The following ZNF682 variants were observed in gnomAD, a reference collection of about 807,000 sequenced individuals.
ZNF682 encodes the protein zinc finger protein 682.
A neutral mutation model predicts 36.5 loss-of-function variants in ZNF682; 29 were observed. The observed-to-expected ratio is 0.80, with a 90% CI of 0.59 to 1.08. ZNF682 has a LOEUF of 1.08. Among genes scored for constraint, ZNF682 ranks in the 50% least tolerant of loss-of-function variants. The pLI is 0.00. For missense variants in ZNF682, 561 were observed against 579.7 expected (o/e 0.97, Z 0.33); for synonymous variants, 180 against 197.0 (o/e 0.91, Z 0.72).
At chr19:20,016,510 T>C (rs1023063357) in intron 3 of ZNF682, among the ~76,000 whole-genome samples, 1 of 151,994 alleles carries the variant, frequency 6.6e-6, no homozygotes, top group African/African-American at 2.4e-5. Flanking sequence ...ATTAAAAGTA[T>C]TTTTTAAAAA....
intron 1 of ZNF682, among the ~76,000 whole-genome samples, chr19:20,028,425 T>A (rs150617279): frequency 0.054 from 8,191 of 152,218 alleles, 332 homozygotes; most frequent in Non-Finnish European, 0.082. Flanking sequence ...TTGGCTAGGC[T>A]GGTCTTGAAC....
At chr19:20,013,485 T>C (rs59750406) in intron 3 of ZNF682, among the ~76,000 whole-genome samples, 11,996 of 152,188 alleles carry the variant, frequency 0.079, 722 homozygotes, top group East Asian at 0.2. Context: ...TTACACCTAA[T>C]GGACATATAG....
intron 3 of ZNF682, among the ~76,000 whole-genome samples, chr19:20,017,239 T>C (rs2088342067): frequency 6.6e-6 from 1 of 152,164 alleles, no homozygotes; most frequent in South Asian, 2.1e-4. Flanking sequence ...ATTTTAAATA[T>C]GAACAGATTG....
intron 3 of ZNF682, among the ~76,000 whole-genome samples, chr19:20,019,076 C>A (rs1599609644): frequency 6.6e-6 from 1 of 152,062 alleles, no homozygotes; most frequent in South Asian, 2.1e-4. Flanking sequence ...GATTAAGAAA[C>A]AGACAAATAA....
At chr19:20,036,016 G>A (rs558534927) in intron 1 of ZNF682, among the ~76,000 whole-genome samples, 3 of 152,292 alleles carry the variant, frequency 2.0e-5, no homozygotes, top group Admixed American at 2.0e-4. Context: ...GATTACAGGT[G>A]TGAACCACTG....
At chr19:20,007,933 G>A (rs1481382128) in intron 3 of ZNF682, 3 of 152,520 alleles carry the variant, frequency 2.0e-5, no homozygotes, top group Non-Finnish European at 4.4e-5. Flanking sequence ...TGGGACTGAG[G>A]TGAATCTGAT....
chr19:20,028,286 CA>C, intron 1 of ZNF682, among the ~76,000 whole-genome samples: 1 of 152,224 alleles, frequency 6.6e-6, no homozygotes, highest in South Asian at 2.1e-4. Context: ...CGGCTCACTG[CA>C]ATCTTTGCCT....
intron 1 of ZNF682, among the ~76,000 whole-genome samples, chr19:20,027,760 A>C (rs572578208): frequency 8.8e-4 from 119 of 135,858 alleles, no homozygotes; most frequent in Non-Finnish European, 1.6e-3. Context: ...ACTCCATCTA[A>C]AAAAACAAAA....
intron 3 of ZNF682, among the ~76,000 whole-genome samples, chr19:20,022,456 T>A (rs192868919): frequency 6.6e-6 from 1 of 151,908 alleles, no homozygotes; most frequent in African/African-American, 2.4e-5. Context: ...TCACCTGAGG[T>A]CGTGGGTTCA....
At chr19:20,033,322 T>G (rs1304931404) in intron 1 of ZNF682, 1 of 152,128 alleles carries the variant, frequency 6.6e-6, no homozygotes, top group Non-Finnish European at 1.5e-5. Flanking sequence ...TCTTGGCTAT[T>G]TATATATTAA....
intron 3 of ZNF682, among the ~76,000 whole-genome samples, chr19:20,008,537 G>A (rs1375678147): frequency 6.6e-6 from 1 of 152,146 alleles, no homozygotes; most frequent in Non-Finnish European, 1.5e-5. Flanking sequence ...CTCGAGCCAT[G>A]GCATCACCAA....
intron 1 of ZNF682, among the ~76,000 whole-genome samples, chr19:20,026,504 C>T (rs370497531): frequency 4.6e-5 from 7 of 152,086 alleles, no homozygotes; most frequent in African/African-American, 9.7e-5. Flanking sequence ...CTCACTCTAT[C>T]GCCCAGGCTG....
intron 2 of ZNF682, 108 bp from the exon 3 acceptor site, chr19:20,023,207 TTAA>T (rs759067862): frequency 2.2e-4 from 231 of 1,046,856 alleles, no homozygotes; most frequent in Non-Finnish European, 3.0e-4. Flanking sequence ...TTCTAGAAAA[TTAA>T]TAATAAGGAC....
At chr19:19,998,335 A>C (rs1249637266) in intron 3 of ZNF682, among the ~76,000 whole-genome samples, 2 of 152,214 alleles carry the variant, frequency 1.3e-5, no homozygotes, top group Non-Finnish European at 2.9e-5. Context: ...ATGTGTCAGA[A>C]GAAGCCACCC....
At position 20,013,031 on chromosome 19, in the gene ZNF682, T is replaced by C. The variant is rs897728950; in HGVS notation, c.227-5756A>G. Among the ~76,000 whole-genome samples the C allele has an allele frequency of 2.6e-5, 4 of 152,000 alleles. No individual in the cohort carries two copies. The South Asian group carries it at 8.3e-4, about 31-fold the overall frequency. On this transcript the variant is annotated intron_variant, in intron 3 of 3. Transcript: ENST00000397165. Reference sequence around the variant, plus strand: ...TTCCCAATCGAAAGACATAAACTGGTGTAAAAACAAGATTCAACTACATTC... The same window carrying C: ...TTCCCAATCGAAAGACATAAACTGGCGTAAAAACAAGATTCAACTACATTC...
At position 20,007,155 on chromosome 19, in the gene ZNF682, T is replaced by A; in HGVS notation, c.347A>T (p.Asp116Val). 6.2e-7 allele frequency: 1 copy of A among 1,613,684 alleles called. No homozygotes were observed. The change falls in exon 4 of 4, where the codon GAT becomes GTT. Residue 116 changes from aspartate (D) to valine (V), a missense_variant. Coordinates refer to ENST00000397165, the MANE Select transcript of ZNF682 (RefSeq NM_033196.3). The stretch of plus-strand genomic sequence containing the variant: ...CTTACACTCACCCACATTTTCCCCA[T>A]CCTTCCTTAAGTGTAAATCCTCAAG... ...CGLEDLHLRK[D>V]GENVGECKDQ...
At chr19:20,024,969 G>T (rs2088419092) in intron 1 of ZNF682, among the ~76,000 whole-genome samples, 1 of 152,224 alleles carries the variant, frequency 6.6e-6, no homozygotes, top group African/African-American at 2.4e-5. Context: ...TTCATACAGA[G>T]AAGTCATGAT....
At chr19:20,011,265 G>A (rs1169849291) in intron 3 of ZNF682, among the ~76,000 whole-genome samples, 1 of 151,986 alleles carries the variant, frequency 6.6e-6, no homozygotes, top group South Asian at 2.1e-4. Flanking sequence ...ATAAATCAAC[G>A]ATATTTAACT....
At chr19:20,018,654 T>C (rs953615907) in intron 3 of ZNF682, among the ~76,000 whole-genome samples, 1 of 152,194 alleles carries the variant, frequency 6.6e-6, no homozygotes, top group African/African-American at 2.4e-5. Context: ...ACAAATGATG[T>C]TGAAAACTGA....
Sources: gnomAD v4.1 joint callset for allele counts (sites outside exome capture counted in the v4.1 genomes callset) on GRCh38, gnomAD v4.1.1 for gene constraint, MANE v1.5 for transcripts, NCBI Gene and HGNC (gene_info 2026-07-23, HGNC 2026-07-21) for gene names.